DNAH10: variants seen among roughly 807,000 people sequenced by gnomAD.
The protein encoded by DNAH10 is dynein axonemal heavy chain 10.
A neutral mutation model predicts 506.6 loss-of-function variants in DNAH10; 348 were observed. The observed-to-expected ratio is 0.69, with a 90% CI of 0.63 to 0.75. The LOEUF (loss-of-function observed/expected upper bound fraction) is 0.75. Ranked by LOEUF, DNAH10 falls within the 30% of genes least tolerant of loss-of-function variation. The probability of loss-of-function intolerance (pLI) is 0.00; values close to 1 mark genes in which losing one functional copy is unlikely to be tolerated. For missense variants in DNAH10, 5,179 were observed against 5,787.1 expected, an observed-to-expected ratio of 0.89 and a Z score of 3.41; for synonymous variants, 2,059 against 2,198.6, an observed-to-expected ratio of 0.94 and a Z score of 1.78.
chr12:123,790,095 A>G lies in DNAH10; in HGVS notation c.1789A>G (p.Met597Val), dbSNP rs1209958341. 6.2e-7 allele frequency: 1 copy of G among 1,614,010 alleles called. No individual in the cohort carries two copies. The highest frequency in any genetic ancestry group is 8.5e-7 in the Non-Finnish European group (1 of 1,180,038). Residue 597 changes from methionine (M) to valine (V), a missense_variant, in exon 11 of 79, where the codon ATG becomes GTG. Met to Val is a conservative substitution (Grantham distance 21). This residue lies in a region of DNAH10 where 4,844 missense variants were observed against 5,430.5 expected (regional missense o/e 0.89). Transcript: ENST00000673944. ...IKSSQFWKYV[M>V]DEFKIEVLVI... ...GTCCTCCCAGTTCTGGAAATATGTGATGGATGAATTCAAGATTGAAGTTCT... is the reference window on the plus strand; with the variant it reads ...GTCCTCCCAGTTCTGGAAATATGTGGTGGATGAATTCAAGATTGAAGTTCT...
chr12:123,837,245 G>A (rs529737606), intron 28 of DNAH10, among the ~76,000 whole-genome samples: 1 of 151,120 alleles, frequency 6.6e-6, no homozygotes, highest in African/African-American at 2.4e-5. Flanking sequence ...TCGGGAGGCT[G>A]AGGTGGGAGG....
At chr12:123,882,511 G>A (rs949960344) in intron 51 of DNAH10, among the ~76,000 whole-genome samples, 4 of 152,126 alleles carry the variant, frequency 2.6e-5, no homozygotes, top group Non-Finnish European at 4.4e-5. Context: ...CTGTGGCTTC[G>A]GCCGGGCGTG....
In DNAH10 at chr12:123,783,967, A is replaced by T. The variant is rs368997025; in HGVS notation, c.1020A>T (p.Glu340Asp). The T allele has an allele frequency of 1.2e-6, 2 of 1,614,206 alleles. No homozygotes were observed. The highest frequency in any genetic ancestry group is 1.6e-4 in the Middle Eastern group (1 of 6,062). Residue 340 changes from glutamate to aspartate, a missense_variant, in exon 8 of 79, where the codon GAA (glutamate) becomes GAT (aspartate). Coordinates refer to ENST00000673944, the MANE Select transcript of DNAH10 (RefSeq NM_001372106.1). Reference sequence around the variant, plus strand: ...CTCAGGGTAAAGGCCCTCTGGCTGAAATTGAATTCTGGAGGGAAAGAAATG... The same window carrying T: ...CTCAGGGTAAAGGCCCTCTGGCTGATATTGAATTCTGGAGGGAAAGAAATG... ...KTPQGKGPLA[E>D]IEFWRERNAT... is the part of the protein sequence containing the mutation.
chr12:123,808,388 G>A (rs991768054), intron 18 of DNAH10, among the ~76,000 whole-genome samples: 16 of 152,122 alleles, frequency 1.1e-4, no homozygotes, highest in Non-Finnish European at 1.9e-4. Context: ...GGGTTGGGCC[G>A]GCAGGGGGAA....
intron 78 of DNAH10, 119 bp from the exon 79 acceptor site, chr12:123,935,214 CGT>C: frequency 8.3e-7 from 1 of 1,205,502 alleles, no homozygotes; most frequent in Non-Finnish European, 1.2e-6. Context: ...CAGCCTTGTG[CGT>C]GTTCTCAGGT....
chr12:123,801,304 T>A lies in DNAH10; in HGVS notation c.2486T>A (p.Met829Lys). 6.2e-7 allele frequency: 1 copy of A among 1,614,152 alleles called. No individual in the cohort carries two copies. Among genetic ancestry groups the A allele is most frequent in the Non-Finnish European group, 8.5e-7 (1 of 1,180,006 alleles). The change falls in exon 16 of 79, where the codon ATG becomes AAG. Residue 829 changes from methionine to lysine, a missense_variant. This residue lies in a region of DNAH10 where 4,844 missense variants were observed against 5,430.5 expected (regional missense o/e 0.89). Coordinates refer to ENST00000673944, the MANE Select transcript of DNAH10 (RefSeq NM_001372106.1). ...FLRYTAGIQR[M>K]LDHYHMLIGT... ...AGGTACACAGCTGGGATACAGCGCA[T>A]GTTGGATCATTATCACATGCTCATA... is the stretch of plus-strand genomic sequence containing the variant.
At chr12:123,905,760 T>C (rs1953746321) in intron 57 of DNAH10, among the ~76,000 whole-genome samples, 7 of 152,158 alleles carry the variant, frequency 4.6e-5, no homozygotes, top group Admixed American at 4.6e-4. Flanking sequence ...CAGGGGCTTT[T>C]TATATAATGG....
At chr12:123,764,845 C>T (rs1409934878) in intron 1 of DNAH10, among the ~76,000 whole-genome samples, 1 of 152,146 alleles carries the variant, frequency 6.6e-6, no homozygotes, top group Non-Finnish European at 1.5e-5. Flanking sequence ...TCTGGAAACT[C>T]TCAAAGCTGC....
Position 123,857,070 on chromosome 12 carries a change from G to A in DNAH10, c.6453G>A (p.Met2151Ile). The change falls in exon 37 of 79, where the codon ATG becomes ATA. Residue 2151 changes from methionine (M) to isoleucine (I), a missense_variant. Physicochemically the swap from Met to Ile is conservative, Grantham distance 10. This residue lies in a region of DNAH10 where 4,844 missense variants were observed against 5,430.5 expected (regional missense o/e 0.89). Coordinates refer to ENST00000673944, the MANE Select transcript of DNAH10 (RefSeq NM_001372106.1). ...ATTTCCTGCAGGACGTGGTGCTGAT[G>A]AGGGCCTTGCGAGACATGAACTTGC... ...SSDLREDVVLMRALRDMNLPK... is the reference protein window; with the variant it reads ...SSDLREDVVLIRALRDMNLPK... 6.2e-7 allele frequency: 1 copy of A among 1,611,970 alleles called. No homozygotes were observed.
Position 123,816,036 on chromosome 12 carries a change from A to G in DNAH10, c.3780+2124A>G, listed in dbSNP as rs559277374. Among the ~76,000 whole-genome samples the G allele has an allele frequency of 9.8e-5, 15 of 152,336 alleles. 1 individual carries two copies. In the East Asian group the frequency reaches 2.9e-3, roughly 29 times the overall value. On this transcript the variant is annotated intron_variant, in intron 21 of 78. Coordinates refer to ENST00000673944, the MANE Select transcript of DNAH10 (RefSeq NM_001372106.1). ...TTTGATCTTTGACAAAAGACCAATG[A>G]CTGTCTTTGGTCATTGTCCCTGGTT...
At position 123,813,512 on chromosome 12, in the gene DNAH10, A is replaced by G. The variant is rs1394378792; in HGVS notation, c.3493A>G (p.Ile1165Val). ...RHPLIKDEHC[I>V]RLQLRHLANT... is the part of the protein sequence containing the mutation. ...CCCTCTAATTAAGGATGAGCATTGC[A>G]TCAGACTTCAGCTCAGGCATCTGGC... The change falls in exon 20 of 79, where the codon ATC becomes GTC. Residue 1165 changes from isoleucine to valine, a missense_variant. Physicochemically the swap from Ile to Val is conservative, Grantham distance 29. Around this residue, in one of 3 missense-constraint regions of DNAH10, gnomAD observed 4,844 missense variants for 5,430.5 expected, o/e 0.89. Transcript: ENST00000673944. 1 of 1,614,244 alleles carries G rather than the reference A, an allele frequency of 6.2e-7. No individual in the cohort carries two copies. Among genetic ancestry groups the G allele is most frequent in the Non-Finnish European group, 8.5e-7 (1 of 1,180,052 alleles).
In DNAH10 at chr12:123,787,369, A is replaced by T. The variant is rs562764789; in HGVS notation, c.1422-435A>T. On this transcript the variant is annotated intron_variant, in intron 9 of 78. Coordinates refer to ENST00000673944, the MANE Select transcript of DNAH10 (RefSeq NM_001372106.1). This position sits in a 1 kb window ranked among gnomAD's most constrained non-coding sequence, Gnocchi z 4.6. ...TAGATATCTATATCTATATGTATCC[A>T]TATCTATTTATATACATCTCTCTCT... Among the ~76,000 whole-genome samples the T allele has an allele frequency of 6.6e-6, 1 of 151,048 alleles. No individual in the cohort carries two copies. The highest frequency in any genetic ancestry group is 2.1e-4 in the South Asian group (1 of 4,810).
At chr12:123,929,100 C>T (rs1955082199) in intron 70 of DNAH10, 175 bp from the exon 71 acceptor site, 2 of 659,002 alleles carry the variant, frequency 3.0e-6, no homozygotes, top group East Asian at 2.7e-5. Flanking sequence ...AGAGCCAGAA[C>T]ATCTAGTCCT....
chr12:123,832,410 A>G (rs548137271), intron 26 of DNAH10, among the ~76,000 whole-genome samples: 1 of 152,362 alleles, frequency 6.6e-6, no homozygotes, highest in African/African-American at 2.4e-5. Flanking sequence ...ATACACATGT[A>G]TACATATACA....
At chr12:123,820,790 G>GGAGTCAAAGCGAAGGA in intron 24 of DNAH10, 32 bp downstream of exon 24, 1 of 1,609,554 alleles carries the variant, frequency 6.2e-7, no homozygotes, top group Non-Finnish European at 8.5e-7. Flanking sequence ...AAGGACTCAG[G>GGAGTCAAAGCGAAGGA]CTCACTGAAG....
chr12:123,871,881 G>A (rs1373056709), intron 45 of DNAH10, among the ~76,000 whole-genome samples: 1 of 152,220 alleles, frequency 6.6e-6, no homozygotes, highest in Non-Finnish European at 1.5e-5. Flanking sequence ...TCACCATGTG[G>A]CTCTCTCCAT....
At chr12:123,929,505 T>C (rs1333466787) in intron 71 of DNAH10, 21 bp downstream of exon 71, 1 of 1,608,530 alleles carries the variant, frequency 6.2e-7, no homozygotes, top group Non-Finnish European at 8.5e-7. Context: ...CTGCTTCTCC[T>C]TGGAAATGGC....
At chr12:123,859,340 C>T in intron 38 of DNAH10, 72 bp downstream of exon 38, 1 of 1,207,272 alleles carries the variant, frequency 8.3e-7, no homozygotes, top group Non-Finnish European at 1.1e-6. Flanking sequence ...GCCAGTATTA[C>T]CAAGTCCCAC....
At position 123,794,047 on chromosome 12, in the gene DNAH10, C is replaced by T. The variant is rs1290207451; in HGVS notation, c.1921C>T (p.Arg641Trp). ...MLLKFKHIRS[R>W]EAVNRQMMMK... is the part of the protein sequence containing the mutation. Reference sequence around the variant, plus strand: ...TTTAAAATTTAAGCACATTCGTTCACGGGAGGCTGTTAATCGACAAATGAT... The same window carrying T: ...TTTAAAATTTAAGCACATTCGTTCATGGGAGGCTGTTAATCGACAAATGAT... The change falls in exon 12 of 79, where the codon CGG becomes TGG. Residue 641 changes from arginine (R) to tryptophan (W), a missense_variant. This residue lies in a region of DNAH10 where 4,844 missense variants were observed against 5,430.5 expected (regional missense o/e 0.89). Coordinates refer to ENST00000673944, the MANE Select transcript of DNAH10 (RefSeq NM_001372106.1). 1.2e-5 allele frequency: 16 copies of T among 1,285,892 alleles called. No individual in the cohort carries two copies. The highest frequency in any genetic ancestry group is 1.1e-4 in the East Asian group (2 of 17,948). 79.7% of individuals were successfully genotyped at this position (1,285,892 alleles called of 1,614,324 possible).
Sources: allele counts gnomAD v4.1 joint callset (sites outside exome capture counted in the v4.1 genomes callset), GRCh38; gene constraint gnomAD v4.1.1; regional missense constraint gnomAD v4.1.1; non-coding constraint Gnocchi (gnomAD v3.1); transcripts MANE v1.5; gene names NCBI Gene and HGNC (gene_info 2026-07-23, HGNC 2026-07-21).